The following DCUN1D4 variants were observed in gnomAD, a reference collection of about 807,000 sequenced individuals.
DCUN1D4 encodes DCN1-like protein 4.
Under a neutral mutation model 47.9 loss-of-function variants are expected in DCUN1D4, and 22 were observed. That is an observed-to-expected ratio of 0.46 (90% confidence interval 0.33 to 0.66). DCUN1D4 has a LOEUF of 0.66. Ranked by LOEUF, DCUN1D4 falls within the 30% of genes least tolerant of loss-of-function variation. The pLI, the probability that DCUN1D4 is intolerant of heterozygous loss-of-function variation, is 0.02. For missense variants in DCUN1D4, 301 were observed against 340.8 expected (o/e 0.88, Z 0.92); for synonymous variants, 121 against 112.2 (o/e 1.08, Z -0.50).
At chr4:51,838,041 G>T (rs1721541388), upstream of DCUN1D4, among the ~76,000 whole-genome samples, 1 of 152,108 alleles carries the variant, frequency 6.6e-6, no homozygotes, top group African/African-American at 2.4e-5. Flanking sequence ...GCCGGGCATG[G>T]TGGCACACGC....
At chr4:51,901,753 G>A (rs1344658601) in intron 8 of DCUN1D4, among the ~76,000 whole-genome samples, 1 of 152,158 alleles carries the variant, frequency 6.6e-6, no homozygotes, top group Non-Finnish European at 1.5e-5. Context: ...GGCAGATTGA[G>A]GGACTCTGTA....
intron 3 of DCUN1D4, chr4:51,865,066 G>T: frequency 4.4e-6 from 1 of 226,732 alleles, no homozygotes; most frequent in Non-Finnish European, 9.9e-6. Context: ...CTTTCCAGTG[G>T]AACCCAAACC....
At chr4:51,871,844 T>G (rs1726944275) in intron 3 of DCUN1D4, among the ~76,000 whole-genome samples, 1 of 152,222 alleles carries the variant, frequency 6.6e-6, no homozygotes, top group South Asian at 2.1e-4. Context: ...GACCTTTTAA[T>G]ATGCTTTAGT....
At chr4:51,848,230 G>A (rs1489994953) in intron 1 of DCUN1D4, 2 of 1,289,254 alleles carry the variant, frequency 1.6e-6, no homozygotes, top group Non-Finnish European at 2.0e-6. Context: ...AATGTGGCGT[G>A]GAGAAATTCT....
At chr4:51,849,248 A>G (rs1723005581) in intron 1 of DCUN1D4, among the ~76,000 whole-genome samples, 2 of 152,048 alleles carry the variant, frequency 1.3e-5, no homozygotes. Context: ...CCATGTGGCC[A>G]TTTTCTGGGG....
In DCUN1D4 at chr4:51,843,632, G is replaced by T. The variant is rs1196893010; in HGVS notation, c.25+365G>T. The T allele has an allele frequency of 4.8e-6, 6 of 1,254,292 alleles. No individual in the cohort carries two copies. In the East Asian group the frequency reaches 1.9e-4, roughly 40 times the overall value. 77.7% of individuals were successfully genotyped at this position (1,254,292 alleles called of 1,614,324 possible). ...GGCTGTAGCGGGCAGGGCCGGGGATGTGGGGGGGTGGCACCGGCGGGGAGA... is the reference window on the plus strand; with the variant it reads ...GGCTGTAGCGGGCAGGGCCGGGGATTTGGGGGGGTGGCACCGGCGGGGAGA... On this transcript the variant is annotated intron_variant, in intron 1 of 10. Coordinates refer to ENST00000334635, the MANE Select transcript of DCUN1D4 (RefSeq NM_001040402.3).
intron 5 of DCUN1D4, 21 bp downstream of exon 5, chr4:51,877,875 T>C: frequency 6.8e-7 from 1 of 1,476,474 alleles, no homozygotes; most frequent in Middle Eastern, 1.8e-4. Flanking sequence ...ATTTGTATCA[T>C]CTAAGACTGA....
At chr4:51,839,749 C>A (rs1181030160), upstream of DCUN1D4, among the ~76,000 whole-genome samples, 4 of 152,152 alleles carry the variant, frequency 2.6e-5, no homozygotes, top group Non-Finnish European at 2.9e-5. Context: ...ACCAGGGACA[C>A]ATTTATCTGT....
intron 1 of DCUN1D4, chr4:51,844,765 C>G: frequency 1.1e-6 from 1 of 929,582 alleles, no homozygotes; most frequent in Non-Finnish European, 1.3e-6. Flanking sequence ...GAAAGGCGGT[C>G]CCGCCGAATT....
intron 1 of DCUN1D4, chr4:51,843,788 C>T (rs1477728273): frequency 4.7e-4 from 155 of 329,964 alleles, no homozygotes; most frequent in Non-Finnish European, 5.5e-4. Flanking sequence ...GGAAGAAGGG[C>T]TGGTTGGCGG....
At chr4:51,835,380 G>A in the DCUN1D4 span, among the ~76,000 whole-genome samples, 1 of 152,216 alleles carries the variant, frequency 6.6e-6, no homozygotes, top group African/African-American at 2.4e-5. Flanking sequence ...ATGAGTACTT[G>A]AGACAGTACC....
At chr4:51,867,345 G>A (rs544381493) in intron 3 of DCUN1D4, among the ~76,000 whole-genome samples, 3 of 152,220 alleles carry the variant, frequency 2.0e-5, no homozygotes, top group Admixed American at 6.5e-5. Flanking sequence ...CGCCCACAAC[G>A]TGGCAAGTGG....
intron 6 of DCUN1D4, among the ~76,000 whole-genome samples, chr4:51,889,529 C>T (rs1021745252): frequency 6.6e-6 from 1 of 152,058 alleles, no homozygotes; most frequent in African/African-American, 2.4e-5. Context: ...ATTATGAGTA[C>T]CTGTTTTGGC....
intron 1 of DCUN1D4, among the ~76,000 whole-genome samples, chr4:51,850,195 C>T (rs536841822): frequency 2.5e-4 from 38 of 152,298 alleles, no homozygotes; most frequent in Middle Eastern, 6.8e-3. Context: ...CATGATAAAT[C>T]TCTCGTTTTT....
intron 6 of DCUN1D4, among the ~76,000 whole-genome samples, chr4:51,888,584 T>C (rs1729905480): frequency 6.6e-6 from 1 of 151,266 alleles, no homozygotes; most frequent in Admixed American, 6.6e-5. Context: ...CTATTAAAAA[T>C]ACAAAAATTA....
chr4:51,857,447 G>T (rs1724309398), intron 1 of DCUN1D4, among the ~76,000 whole-genome samples: 1 of 152,110 alleles, frequency 6.6e-6, no homozygotes, highest in South Asian at 2.1e-4. Context: ...CTCCTGATCA[G>T]AACACCTCCA....
At chr4:51,889,658 G>C (rs1447602082) in intron 6 of DCUN1D4, among the ~76,000 whole-genome samples, 1 of 152,104 alleles carries the variant, frequency 6.6e-6, no homozygotes, top group Non-Finnish European at 1.5e-5. Context: ...GAGTAGAATA[G>C]AGATGGTTTG....
intron 7 of DCUN1D4, among the ~76,000 whole-genome samples, 169 bp from the exon 8 acceptor site, chr4:51,899,100 CT>C (rs1380921133): frequency 6.6e-6 from 1 of 152,084 alleles, no homozygotes; most frequent in Non-Finnish European, 1.5e-5. Context: ...ATTCTTTCAA[CT>C]TTTCTGTACA....
At chr4:51,900,770 GT>G (rs943168055) in intron 8 of DCUN1D4, among the ~76,000 whole-genome samples, 6 of 149,470 alleles carry the variant, frequency 4.0e-5, no homozygotes, top group Non-Finnish European at 7.4e-5. Flanking sequence ...TATTTCATGA[GT>G]TTTTTTTTTC....
Sources: allele counts gnomAD v4.1 joint callset (sites outside exome capture counted in the v4.1 genomes callset), GRCh38; gene constraint gnomAD v4.1.1; transcripts MANE v1.5; gene names NCBI Gene and HGNC (gene_info 2026-07-23, HGNC 2026-07-21).